CDK14: variants seen among roughly 807,000 people sequenced by gnomAD.
CDK14 encodes the protein cyclin dependent kinase 14, also known as cyclin-dependent kinase 14.
CDK14 carries 34 observed loss-of-function variants against 60.7 expected under a neutral mutation model. That is an observed-to-expected ratio of 0.56 (90% confidence interval 0.43 to 0.75). The LOEUF (loss-of-function observed/expected upper bound fraction) is 0.75. Ranked by LOEUF, CDK14 falls within the 30% of genes least tolerant of loss-of-function variation. The pLI, the probability that CDK14 is intolerant of heterozygous loss-of-function variation, is 0.00. For missense variants in CDK14, 482 were observed against 564.1 expected (o/e 0.85, Z 1.47); for synonymous variants, 197 against 203.7 (o/e 0.97, Z 0.28).
intron 2 of CDK14, among the ~76,000 whole-genome samples, chr7:90,692,157 A>C (rs1801566202): frequency 6.6e-6 from 1 of 152,224 alleles, no homozygotes; most frequent in African/African-American, 2.4e-5. Context: ...ATTTGATTGC[A>C]AATATTTGAC....
At chr7:90,745,112 A>G (rs1396798036) in intron 3 of CDK14, among the ~76,000 whole-genome samples, 1 of 152,132 alleles carries the variant, frequency 6.6e-6, no homozygotes. Context: ...AAACATATGC[A>G]TTTGGAGTTT....
intron 8 of CDK14, among the ~76,000 whole-genome samples, chr7:90,946,913 C>T (rs951213818): frequency 6.6e-6 from 1 of 152,194 alleles, no homozygotes; most frequent in Non-Finnish European, 1.5e-5. Flanking sequence ...CCATCACAGC[C>T]TTCTAGCTTA....
intron 5 of CDK14, among the ~76,000 whole-genome samples, chr7:90,844,562 ATC>A (rs1199520418): frequency 1.3e-5 from 2 of 152,182 alleles, no homozygotes; most frequent in Admixed American, 6.6e-5. Context: ...ATAGAAAATT[ATC>A]TGTTTTCTGG....
At chr7:90,682,406 A>G (rs1452282621) in intron 2 of CDK14, among the ~76,000 whole-genome samples, 2 of 152,180 alleles carry the variant, frequency 1.3e-5, no homozygotes, top group Admixed American at 6.5e-5. Flanking sequence ...TTTTTTATCA[A>G]TCAATCATCT....
intron 7 of CDK14, among the ~76,000 whole-genome samples, chr7:90,915,057 C>T (rs1365865068): frequency 1.3e-5 from 2 of 152,080 alleles, no homozygotes; most frequent in South Asian, 2.1e-4. Context: ...CAGGGGTGGT[C>T]AGGGAAGGCT....
intron 10 of CDK14, among the ~76,000 whole-genome samples, chr7:91,002,221 T>G (rs1309340984): frequency 6.6e-6 from 1 of 152,160 alleles, no homozygotes; most frequent in Non-Finnish European, 1.5e-5. Flanking sequence ...TTAGAGTGTC[T>G]CCAAGAAAGT....
intron 6 of CDK14, among the ~76,000 whole-genome samples, chr7:90,882,991 G>C (rs1418095019): frequency 1.3e-5 from 2 of 151,958 alleles, no homozygotes; most frequent in African/African-American, 4.8e-5. Context: ...CAGAAAGCTA[G>C]AAAAATTTCA....
intron 2 of CDK14, among the ~76,000 whole-genome samples, chr7:90,723,803 A>G (rs572907346): frequency 1.6e-4 from 24 of 152,288 alleles, no homozygotes; most frequent in African/African-American, 5.8e-4. Context: ...GTCATGGTTT[A>G]CTATCTTCTT....
At position 90,917,736 on chromosome 7, in the gene CDK14, G is replaced by T. The variant is rs1793123654; in HGVS notation, c.826+12G>T. The T allele has an allele frequency of 6.2e-7, 1 of 1,611,950 alleles. No homozygotes were observed. Among genetic ancestry groups the T allele is most frequent in the East Asian group, 2.2e-5 (1 of 44,810 alleles). On this transcript the variant is annotated intron_variant, in intron 8 of 14. Transcript: ENST00000380050. ...GCTGGCAGATTTCGGTAGGAAAGCAGTTAATTACCAGTCTATTTTGTCATA... is the reference window on the plus strand; with the variant it reads ...GCTGGCAGATTTCGGTAGGAAAGCATTTAATTACCAGTCTATTTTGTCATA...
intron 5 of CDK14, among the ~76,000 whole-genome samples, chr7:90,830,794 A>T (rs1246815648): frequency 6.6e-6 from 1 of 152,202 alleles, no homozygotes; most frequent in Non-Finnish European, 1.5e-5. Flanking sequence ...TTATTTTGCC[A>T]GATATCCTAA....
intron 5 of CDK14, among the ~76,000 whole-genome samples, chr7:90,854,702 C>T: frequency 6.7e-6 from 1 of 150,182 alleles, no homozygotes; most frequent in East Asian, 1.9e-4. Context: ...GTTAACTGTA[C>T]ATGTAACCCA....
chr7:91,086,511 C>T (rs1033390333), intron 12 of CDK14, among the ~76,000 whole-genome samples: 2 of 152,136 alleles, frequency 1.3e-5, no homozygotes, highest in Non-Finnish European at 2.9e-5. Context: ...TCCCGATCTC[C>T]TTGATCTCCC....
chr7:90,706,415 A>G (rs1001656637), intron 2 of CDK14, among the ~76,000 whole-genome samples: 2 of 152,016 alleles, frequency 1.3e-5, no homozygotes, highest in African/African-American at 4.8e-5. Flanking sequence ...GTCATCAGCA[A>G]CTCTTCTTAC....
intron 2 of CDK14, among the ~76,000 whole-genome samples, chr7:90,690,113 G>T (rs984975863): frequency 6.6e-6 from 1 of 152,086 alleles, no homozygotes; most frequent in African/African-American, 2.4e-5. Context: ...CTGATCATTT[G>T]TACTAGGCAT....
chr7:91,031,307 C>G (rs182088156), intron 10 of CDK14, among the ~76,000 whole-genome samples: 79 of 151,844 alleles, frequency 5.2e-4, no homozygotes, highest in East Asian at 1.4e-3. Flanking sequence ...GAGCAGAAAC[C>G]CATAAACAAT....
chr7:91,088,334 T>C (rs917383439), intron 12 of CDK14, among the ~76,000 whole-genome samples: 6 of 152,088 alleles, frequency 3.9e-5, no homozygotes, highest in Non-Finnish European at 8.8e-5. Flanking sequence ...ACAGATCCCA[T>C]GTTAAACGGT....
At chr7:91,096,179 C>T (rs1361437280) in intron 12 of CDK14, among the ~76,000 whole-genome samples, 1 of 151,194 alleles carries the variant, frequency 6.6e-6, no homozygotes, top group African/African-American at 2.4e-5. Flanking sequence ...GTTCTCTCTT[C>T]ATCCCAGGAT....
chr7:91,013,010 T>C (rs1273081589), intron 10 of CDK14, among the ~76,000 whole-genome samples: 6 of 152,332 alleles, frequency 3.9e-5, no homozygotes, highest in Non-Finnish European at 8.8e-5. Context: ...GGCAGAATTT[T>C]ACCTTCTTCC....
intron 3 of CDK14, among the ~76,000 whole-genome samples, chr7:90,735,850 C>T (rs1013392420): frequency 1.4e-4 from 22 of 152,224 alleles, no homozygotes; most frequent in African/African-American, 4.6e-4. Context: ...GTCTCCCTGG[C>T]ATTCCAGGTG....
Sources: gnomAD v4.1 joint callset for allele counts (sites outside exome capture counted in the v4.1 genomes callset) on GRCh38, gnomAD v4.1.1 for gene constraint, MANE v1.5 for transcripts, NCBI Gene and HGNC (gene_info 2026-07-23, HGNC 2026-07-21) for gene names.